The following PDCD6 variants were observed in gnomAD, a reference collection of about 807,000 sequenced individuals.
PDCD6 encodes programmed cell death 6.
PDCD6 carries 12 observed loss-of-function variants against 28.3 expected under a neutral mutation model. The ratio of observed to expected loss-of-function variants is 0.42; its 90% CI spans 0.27 to 0.69. The LOEUF (loss-of-function observed/expected upper bound fraction) is 0.69. Ranked by LOEUF, PDCD6 falls within the 30% of genes least tolerant of loss-of-function variation. The probability of loss-of-function intolerance (pLI) is 0.22; values close to 1 mark genes in which losing one functional copy is unlikely to be tolerated. For synonymous variants in PDCD6, 92 were observed against 108.0 expected (o/e 0.85, Z 0.92); for missense variants, 226 against 269.9 (o/e 0.84, Z 1.14).
chr5:287,171 C>T (rs150064799), intron 2 of PDCD6, among the ~76,000 whole-genome samples: 2,667 of 151,962 alleles, frequency 0.018, 30 homozygotes, highest in Middle Eastern at 0.072. Flanking sequence ...TAGGTACTGC[C>T]ACTGATGTCT....
Position 306,662 on chromosome 5 carries a change from A to C in PDCD6, c.269A>C (p.Lys90Thr). The C allele has an allele frequency of 1.9e-6, 3 of 1,614,058 alleles. No individual in the cohort carries two copies. Among genetic ancestry groups the C allele is most frequent in the Non-Finnish European group, 2.5e-6 (3 of 1,180,004 alleles). ...TTCAGCGAGTTCACGGGTGTGTGGA[A>C]GTACATCACGGACTGGCAGAACGTC... is the stretch of plus-strand genomic sequence containing the variant. Reference protein sequence around the residue: ...VNFSEFTGVWKYITDWQNVFR... With the variant: ...VNFSEFTGVWTYITDWQNVFR... Residue 90 changes from lysine (K) to threonine (T), a missense_variant, in exon 4 of 6, where the codon AAG becomes ACG. Physicochemically the swap from Lys to Thr is moderately conservative, Grantham distance 78 (BLOSUM62 -1). This residue lies in a region of PDCD6 where 151 missense variants were observed against 177.2 expected (regional missense o/e 0.85). Transcript: ENST00000264933.
chr5:283,357 A>G (rs80109185), intron 2 of PDCD6, among the ~76,000 whole-genome samples: 3,624 of 108,008 alleles, frequency 0.034, no homozygotes, highest in African/African-American at 0.13. Context: ...TGGAGGTGAA[A>G]ACCCGGAGAG....
chr5:276,024 C>T lies in PDCD6; in HGVS notation c.163+3252C>T, dbSNP rs562577639. The T allele has an allele frequency of 2.7e-4, 350 of 1,282,890 alleles. 1 individual carries two copies. The highest frequency in any genetic ancestry group is 1.1e-3 in the African/African-American group (69 of 65,596). 79.5% of individuals were successfully genotyped at this position (1,282,890 alleles called of 1,614,324 possible). On this transcript the variant is annotated intron_variant, in intron 2 of 5. Coordinates refer to ENST00000264933, the MANE Select transcript of PDCD6 (RefSeq NM_013232.4). ...TTCATCTCTGTAGGATGAAGCCCCA[C>T]CCGCCCTTCAGGATGCCAGCCTTGG... is the stretch of plus-strand genomic sequence containing the variant.
intron 2 of PDCD6, among the ~76,000 whole-genome samples, chr5:287,007 G>A (rs1488877745): frequency 6.6e-6 from 1 of 151,540 alleles, no homozygotes. Flanking sequence ...GACCCAGGGA[G>A]GAGCTGGTGT....
At chr5:306,917 C>T (rs1410773912) in intron 4 of PDCD6, among the ~76,000 whole-genome samples, 157 bp downstream of exon 4, 3 of 152,216 alleles carry the variant, frequency 2.0e-5, no homozygotes, top group East Asian at 1.9e-4. Context: ...TTGCTCATGT[C>T]GGAAGGCGAT....
rs760323666 is a variant in PDCD6, at chr5:310,964, G to A, written c.368-329G>A. 5.6e-5 allele frequency: 16 copies of A among 284,310 alleles called. 1 individual carries two copies. The highest frequency in any genetic ancestry group is 4.7e-4 in the South Asian group (12 of 25,738). The allele number at this position is 284,310 out of a possible 1,614,324, so 17.6% of individuals were successfully genotyped here. On this transcript the variant is annotated intron_variant, in intron 4 of 5. Coordinates refer to ENST00000264933, the MANE Select transcript of PDCD6 (RefSeq NM_013232.4). ...TGGGTTCAGGAAACTGAGTGTGGCC[G>A]CCCTGTGGGGTGGTGTTTGGTGAGT...
At chr5:275,818 G>A (rs1208820302) in intron 2 of PDCD6, among the ~76,000 whole-genome samples, 12 of 152,198 alleles carry the variant, frequency 7.9e-5, no homozygotes, top group Non-Finnish European at 1.3e-4. Context: ...TTAGTACACC[G>A]TGTTTCTGTT....
intron 2 of PDCD6, chr5:289,866 A>G (rs1010480713): frequency 6.6e-7 from 1 of 1,507,020 alleles, no homozygotes; most frequent in Non-Finnish European, 9.2e-7. Flanking sequence ...CAGGAAACAT[A>G]ACACCATTCA....
At chr5:303,264 G>C (rs1218941544) in intron 2 of PDCD6, among the ~76,000 whole-genome samples, 9 of 149,482 alleles carry the variant, frequency 6.0e-5, no homozygotes, top group African/African-American at 1.5e-4. Context: ...GGCTGTCTCT[G>C]TGTACTGCCC....
chr5:295,044 G>T (rs899642981), intron 2 of PDCD6, among the ~76,000 whole-genome samples: 10 of 152,188 alleles, frequency 6.6e-5, no homozygotes, highest in African/African-American at 2.4e-4. Context: ...GGAGCTCTCT[G>T]GGGCGGTGGC....
chr5:289,879 C>T (rs551326416), intron 2 of PDCD6: 13 of 1,512,126 alleles, frequency 8.6e-6, no homozygotes, highest in African/African-American at 8.2e-5. Context: ...ACCATTCATT[C>T]GATTTAAACT....
Position 306,777 on chromosome 5 carries a change from G to A in PDCD6, c.367+17G>A. The A allele has an allele frequency of 1.2e-6, 2 of 1,610,454 alleles. No homozygotes were observed. The highest frequency in any genetic ancestry group is 1.7e-6 in the Non-Finnish European group (2 of 1,177,200). Reference sequence around the variant, plus strand: ...CAGGTTTCGGTAACTCACTCACTCTGGCTTGTGTAGCGTGTTTCATTTTGG... The same window carrying A: ...CAGGTTTCGGTAACTCACTCACTCTAGCTTGTGTAGCGTGTTTCATTTTGG... On this transcript the variant is annotated intron_variant, in intron 4 of 5. Coordinates refer to ENST00000264933, the MANE Select transcript of PDCD6 (RefSeq NM_013232.4).
At chr5:284,786 G>A (rs796330806) in intron 2 of PDCD6, among the ~76,000 whole-genome samples, 9 of 151,984 alleles carry the variant, frequency 5.9e-5, no homozygotes, top group African/African-American at 1.9e-4. Context: ...GGGCCGGGGA[G>A]CTGATGTACC....
chr5:294,903 A>G (rs28734903), intron 2 of PDCD6, among the ~76,000 whole-genome samples: 33,612 of 150,256 alleles, frequency 0.22, 4,780 homozygotes, highest in African/African-American at 0.48. Context: ...CCACATGCCC[A>G]GTGAAGGAAG....
intron 2 of PDCD6, among the ~76,000 whole-genome samples, chr5:279,894 CA>C (rs747563272): frequency 2.0e-5 from 3 of 147,026 alleles, no homozygotes; most frequent in Admixed American, 7.0e-5. Context: ...CACGGGTGTG[CA>C]AAATGTGGCG....
At chr5:313,476 T>A (rs952070540) in intron 5 of PDCD6, among the ~76,000 whole-genome samples, 1 of 152,088 alleles carries the variant, frequency 6.6e-6, no homozygotes, top group African/African-American at 2.4e-5. Flanking sequence ...TGTTTTTTTT[T>A]CTTTGAGATG....
chr5:289,824 A>G, intron 2 of PDCD6: 2 of 1,358,612 alleles, frequency 1.5e-6, no homozygotes, highest in Admixed American at 1.7e-5. Flanking sequence ...GCCCATTTAC[A>G]TTAGACCTCT....
intron 2 of PDCD6, chr5:276,827 G>A: frequency 1.0e-6 from 1 of 985,382 alleles, no homozygotes; most frequent in Non-Finnish European, 1.2e-6. Context: ...CATGAGACTT[G>A]TTTGCACAGG....
chr5:284,309 A>G (rs1738783521), intron 2 of PDCD6, among the ~76,000 whole-genome samples: 1 of 151,864 alleles, frequency 6.6e-6, no homozygotes, highest in Admixed American at 6.6e-5. Flanking sequence ...CTTGAGGAGG[A>G]GCTGATGTTC....
Sources: allele counts gnomAD v4.1 joint callset (sites outside exome capture counted in the v4.1 genomes callset), GRCh38; gene constraint gnomAD v4.1.1; regional missense constraint gnomAD v4.1.1; transcripts MANE v1.5; gene names NCBI Gene and HGNC (gene_info 2026-07-23, HGNC 2026-07-21).